The following DOCK9 variants were observed in gnomAD, a reference collection of about 807,000 sequenced individuals.
DOCK9 encodes the protein dedicator of cytokinesis protein 9.
A neutral mutation model predicts 263.3 loss-of-function variants in DOCK9; 89 were observed. That is an observed-to-expected ratio of 0.34 (90% CI 0.28 to 0.40). The LOEUF is 0.40. Among genes scored for constraint, DOCK9 ranks in the 10% least tolerant of loss-of-function variants. DOCK9 has a pLI of 1.00. For synonymous variants in DOCK9, 976 were observed against 973.1 expected (o/e 1.00, Z -0.06); for missense variants, 2,140 against 2,603.4 (o/e 0.82, Z 3.87).
intron 1 of DOCK9, among the ~76,000 whole-genome samples, chr13:99,011,744 A>C (rs1464656553): frequency 2.0e-5 from 3 of 152,210 alleles, no homozygotes; most frequent in African/African-American, 7.2e-5. Flanking sequence ...TAAATTACCC[A>C]AAGTCACACA....
At chr13:98,864,329 A>G (rs75501227) in intron 30 of DOCK9, among the ~76,000 whole-genome samples, 6,327 of 152,310 alleles carry the variant, frequency 0.042, 428 homozygotes, top group African/African-American at 0.14. Context: ...TAGGAAGGGT[A>G]CATAAAAACA....
rs756679695 is a variant in DOCK9, at chr13:98,831,408, G to A, written c.4575C>T (p.Phe1525=). ...TGTAATCAAAGTTGTTCCTCATCAGGAAGTAGAGCAGCTGGGAGGCCTCCG... is the reference window on the plus strand; with the variant it reads ...TGTAATCAAAGTTGTTCCTCATCAGAAAGTAGAGCAGCTGGGAGGCCTCCG... ...IRTEASQLLY[F]LMRNNFDYTG... is the part of the protein sequence containing the mutation. Residue 1525 remains phenylalanine (F), a synonymous_variant, in exon 41 of 53, where the codon TTC becomes TTT. Coordinates refer to ENST00000682017, the MANE Select transcript of DOCK9 (RefSeq NM_001366683.2). The A allele has an allele frequency of 1.2e-6, 2 of 1,603,756 alleles. No individual in the cohort carries two copies. The highest frequency in any genetic ancestry group is 2.7e-5 in the African/African-American group (2 of 74,798).
chr13:98,991,215 G>C (rs1879725709), intron 1 of DOCK9, among the ~76,000 whole-genome samples: 1 of 152,014 alleles, frequency 6.6e-6, no homozygotes, highest in Admixed American at 6.6e-5. Context: ...AAGACTATAG[G>C]CATGCACCAC....
At chr13:98,939,316 G>GCA (rs1457491360) in intron 2 of DOCK9, among the ~76,000 whole-genome samples, 5 of 152,172 alleles carry the variant, frequency 3.3e-5, no homozygotes, top group Non-Finnish European at 5.9e-5. Context: ...GAGAGAAGAA[G>GCA]GCCCGGGGTC....
chr13:98,870,675 T>A (rs2094161267), intron 27 of DOCK9, among the ~76,000 whole-genome samples: 1 of 152,160 alleles, frequency 6.6e-6, no homozygotes. Flanking sequence ...CAGCTGGGTA[T>A]ATATGCCTCC....
intron 2 of DOCK9, among the ~76,000 whole-genome samples, chr13:98,946,510 T>C (rs979137961): frequency 1.3e-5 from 2 of 152,104 alleles, no homozygotes; most frequent in African/African-American, 4.8e-5. Flanking sequence ...AATGCTCTCC[T>C]TCCATTTGGA....
intron 45 of DOCK9, among the ~76,000 whole-genome samples, chr13:98,820,320 T>G (rs2092185863): frequency 6.6e-6 from 1 of 152,214 alleles, no homozygotes; most frequent in Non-Finnish European, 1.5e-5. Flanking sequence ...AAAGCCATTC[T>G]AAACAGCAAA....
chr13:98,829,891 C>T lies in DOCK9; in HGVS notation c.4636-135G>A. Reference sequence around the variant, plus strand: ...GGGGGTGCTTTGAGCAGGGGTCGCTCCGTGTAGGAAACAATGTCTGAGGTA... The same window carrying T: ...GGGGGTGCTTTGAGCAGGGGTCGCTTCGTGTAGGAAACAATGTCTGAGGTA... On this transcript the variant is annotated intron_variant, in intron 41 of 52. Transcript: ENST00000682017. The surrounding 1 kb of genome is among the most constrained non-coding windows in gnomAD (Gnocchi z 4.1). 1.5e-6 allele frequency: 1 copy of T among 669,986 alleles called. No individual in the cohort carries two copies. The highest frequency in any genetic ancestry group is 2.7e-6 in the Non-Finnish European group (1 of 375,012). The allele number at this position is 669,986 out of a possible 1,614,324, so 41.5% of individuals were successfully genotyped here. A position where few individuals can be genotyped will look rare whatever the true frequency, so the allele number is the denominator to read the frequency against.
Position 98,883,746 on chromosome 13 carries a change from T to G in DOCK9, c.2469+67A>C, listed in dbSNP as rs2045224851. On this transcript the variant is annotated intron_variant, in intron 22 of 52. Coordinates refer to ENST00000682017, the MANE Select transcript of DOCK9 (RefSeq NM_001366683.2). ...AATATAACACATTAGGATTTTTTTC[T>G]TCTTGCAAAATGGTGCAAACTTTGT... 9 of 1,057,460 alleles carry G rather than the reference T, an allele frequency of 8.5e-6. No homozygotes were observed. In the East Asian group the frequency reaches 2.3e-4, roughly 27 times the overall value. 65.5% of individuals were successfully genotyped at this position (1,057,460 alleles called of 1,614,324 possible). A position where few individuals can be genotyped will look rare whatever the true frequency, so the allele number is the denominator to read the frequency against.
At chr13:98,862,098 A>G (rs575072347) in intron 32 of DOCK9, among the ~76,000 whole-genome samples, 53 of 152,338 alleles carry the variant, frequency 3.5e-4, no homozygotes, top group African/African-American at 1.2e-3. Context: ...CTGAGGCCTC[A>G]CAAGACATTG....
chr13:98,990,446 T>C (rs1879536349), intron 1 of DOCK9, among the ~76,000 whole-genome samples: 1 of 152,232 alleles, frequency 6.6e-6, no homozygotes, highest in Non-Finnish European at 1.5e-5. Context: ...TTTGGCAGCA[T>C]TTTACAATTG....
intron 1 of DOCK9, among the ~76,000 whole-genome samples, chr13:98,976,991 T>C (rs576682693): frequency 4.6e-5 from 7 of 152,216 alleles, no homozygotes; most frequent in Non-Finnish European, 7.3e-5. Context: ...ACAATCTCTT[T>C]AGCAGATAAT....
chr13:98,857,560 G>A (rs59561403), intron 33 of DOCK9: 2,438 of 152,328 alleles, frequency 0.016, 77 homozygotes, highest in Admixed American at 0.077. Flanking sequence ...CAAAGTGCTG[G>A]GATTACAGGC....
In DOCK9 at chr13:98,829,289, G is replaced by A. The variant is rs762367107; in HGVS notation, c.4965+18C>T. On this transcript the variant is annotated intron_variant, in intron 43 of 52. Coordinates refer to ENST00000682017, the MANE Select transcript of DOCK9 (RefSeq NM_001366683.2). The surrounding 1 kb of genome is among the most constrained non-coding windows in gnomAD (Gnocchi z 4.1). ...GGTTTTTTCAAAAACCCATTCAAGC[G>A]GCTGGCAGGGCTACTACCTCTGAGA... 115 of 1,600,550 alleles carry A rather than the reference G, an allele frequency of 7.2e-5. No individual in the cohort carries two copies. Among genetic ancestry groups the A allele is most frequent in the Admixed American group, 5.5e-4 (32 of 58,664 alleles).
intron 1 of DOCK9, among the ~76,000 whole-genome samples, chr13:99,067,727 G>A (rs2041483417): frequency 6.6e-6 from 1 of 152,204 alleles, no homozygotes; most frequent in Non-Finnish European, 1.5e-5. Flanking sequence ...CCATTTTCCT[G>A]ACATGAAATG....
chr13:98,907,477 A>C (rs978609541), intron 9 of DOCK9, among the ~76,000 whole-genome samples: 5 of 152,206 alleles, frequency 3.3e-5, no homozygotes, highest in African/African-American at 1.2e-4. Context: ...AACAAATAGG[A>C]ATGCAGACAC....
At chr13:98,858,385 T>C (rs891665242) in intron 33 of DOCK9, 2 of 152,134 alleles carry the variant, frequency 1.3e-5, no homozygotes, top group South Asian at 2.1e-4. Context: ...TCAGGCACCA[T>C]GATCCAAAGA....
At chr13:98,926,189 T>G (rs2052931426) in intron 3 of DOCK9, among the ~76,000 whole-genome samples, 1 of 152,236 alleles carries the variant, frequency 6.6e-6, no homozygotes, top group African/African-American at 2.4e-5. Context: ...CAACTTCACC[T>G]AACCTTGTGA....
At chr13:98,908,963 C>T (rs1355558357) in intron 9 of DOCK9, among the ~76,000 whole-genome samples, 3 of 152,186 alleles carry the variant, frequency 2.0e-5, no homozygotes, top group Non-Finnish European at 4.4e-5. Context: ...TGTAGTTGAG[C>T]ACTTCTCAGA....
Sources: gnomAD v4.1 joint callset for allele counts (sites outside exome capture counted in the v4.1 genomes callset) on GRCh38, gnomAD v4.1.1 for gene constraint, Gnocchi (gnomAD v3.1) non-coding constraint, MANE v1.5 for transcripts, NCBI Gene and HGNC (gene_info 2026-07-23, HGNC 2026-07-21) for gene names.